Variants in USP6NL observed in about 807,000 individuals in gnomAD.
The protein encoded by USP6NL is USP6 N-terminal-like protein.
Under a neutral mutation model 61.9 loss-of-function variants are expected in USP6NL, and 26 were observed. That is an observed-to-expected ratio of 0.42 (90% CI 0.31 to 0.58). The LOEUF (loss-of-function observed/expected upper bound fraction) is 0.58. USP6NL is among the 20% of genes least tolerant of loss of function. The pLI is 0.16. For synonymous variants in USP6NL, 432 were observed against 390.1 expected, an observed-to-expected ratio of 1.11 and a Z score of -1.27; for missense variants, 1,114 against 1,034.3, an observed-to-expected ratio of 1.08 and a Z score of -1.06.
chr10:11,466,941 C>T (rs1246243070), intron 14 of USP6NL, among the ~76,000 whole-genome samples: 2 of 152,150 alleles, frequency 1.3e-5, no homozygotes, highest in African/African-American at 2.4e-5. Context: ...CACTGTTGAC[C>T]GAAAGTTCAT....
intron 2 of USP6NL, among the ~76,000 whole-genome samples, chr10:11,578,211 C>T (rs1837621451): frequency 6.6e-6 from 1 of 152,118 alleles, no homozygotes; most frequent in Non-Finnish European, 1.5e-5. Flanking sequence ...TCAAGCAATC[C>T]GCCCGCCTCA....
chr10:11,555,061 G>C (rs2133503387), intron 2 of USP6NL, among the ~76,000 whole-genome samples: 2 of 146,130 alleles, frequency 1.4e-5, no homozygotes, highest in African/African-American at 5.0e-5. Context: ...AAAGTGCTGG[G>C]ATTACAGGCA....
At position 11,541,663 on chromosome 10, in the gene USP6NL, C is replaced by A. The variant is rs114353342; in HGVS notation, c.5-14096G>T. Among the ~76,000 whole-genome samples, 846 of 152,244 alleles carry A rather than the reference C, an allele frequency of 5.6e-3. 10 individuals are homozygous for A. Among genetic ancestry groups the A allele is most frequent in the African/African-American group, 0.017 (697 of 41,534 alleles). ...AATAGAAAGCCGTAAGTGTTTTTCA[C>A]TGTGAGACAGAGCAACCTCCCTAGA... On this transcript the variant is annotated intron_variant, in intron 2 of 14. Transcript: ENST00000609104.
At chr10:11,556,325 T>C (rs907994358) in intron 2 of USP6NL, among the ~76,000 whole-genome samples, 10 of 152,072 alleles carry the variant, frequency 6.6e-5, no homozygotes, top group Admixed American at 4.6e-4. Flanking sequence ...GAATACATAA[T>C]AAAAACTATT....
At chr10:11,502,734 A>G (rs1196747241) in intron 6 of USP6NL, among the ~76,000 whole-genome samples, 1 of 152,242 alleles carries the variant, frequency 6.6e-6, no homozygotes, top group Non-Finnish European at 1.5e-5. Context: ...TGAGTGACAA[A>G]GATGAACAAC....
At chr10:11,469,698 T>C (rs1429773332) in intron 14 of USP6NL, among the ~76,000 whole-genome samples, 1 of 152,118 alleles carries the variant, frequency 6.6e-6, no homozygotes, top group Non-Finnish European at 1.5e-5. Context: ...TTAAAGACAA[T>C]AAACCAAGTG....
chr10:11,485,832 C>A lies in USP6NL; in HGVS notation c.744G>T (p.Lys248Asn), dbSNP rs1389407788. Residue 248 changes from lysine to asparagine, a missense_variant, in exon 11 of 15, where the codon AAG (lysine) becomes AAT (asparagine). Physicochemically the swap from Lys to Asn is moderately conservative, Grantham distance 94 (BLOSUM62 0). Transcript: ENST00000609104. The surrounding 1 kb of genome is among the most constrained non-coding windows in gnomAD (Gnocchi z 4.8). Reference protein sequence around the residue: ...HEKILNKFLSKLKQHLDSQEI... With the variant: ...HEKILNKFLSNLKQHLDSQEI... ...ATCTACCTACCAAGTGTTGCTTAAG[C>A]TTGGACAGAAATTTGTTCAGTATTT... is the stretch of plus-strand genomic sequence containing the variant. 2 of 1,553,942 alleles carry A rather than the reference C, an allele frequency of 1.3e-6. No individual in the cohort carries two copies. Among genetic ancestry groups the A allele is most frequent in the East Asian group, 2.4e-5 (1 of 41,998 alleles).
At chr10:11,577,121 G>A (rs1016373491) in intron 2 of USP6NL, among the ~76,000 whole-genome samples, 2 of 148,472 alleles carry the variant, frequency 1.3e-5, no homozygotes, top group Admixed American at 6.8e-5. Flanking sequence ...ACAGTGGTGC[G>A]ATCTCAGCTC....
At chr10:11,534,198 A>G (rs185380236) in intron 2 of USP6NL, among the ~76,000 whole-genome samples, 112 of 152,308 alleles carry the variant, frequency 7.4e-4, no homozygotes, top group Non-Finnish European at 1.2e-3. Context: ...GTGATTTTCC[A>G]TCACTGACCT....
At position 11,490,083 on chromosome 10, in the gene USP6NL, G is replaced by A. The variant is rs368881842; in HGVS notation, c.543+749C>T. Among the ~76,000 whole-genome samples, 17 of 152,230 alleles carry A rather than the reference G, an allele frequency of 1.1e-4. No homozygotes were observed. Among genetic ancestry groups the A allele is most frequent in the African/African-American group, 3.9e-4 (16 of 41,524 alleles). On this transcript the variant is annotated intron_variant, in intron 9 of 14. Coordinates refer to ENST00000609104, the MANE Select transcript of USP6NL (RefSeq NM_014688.5). This position sits in a 1 kb window ranked among gnomAD's most constrained non-coding sequence, Gnocchi z 4.5. The stretch of plus-strand genomic sequence containing the variant: ...CTTCCCACCTTCCAGCTCCAATTCC[G>A]GTGAGGCCCAACTAGTGCTTCCTTC...
chr10:11,548,506 T>C lies in USP6NL; in HGVS notation c.5-20939A>G, dbSNP rs746857875. ...TCCATTTTGGTCCATGACTATCCTA[T>C]AAAGATCTTTGTAAATCTTAATTTC... On this transcript the variant is annotated intron_variant, in intron 2 of 14. Coordinates refer to ENST00000609104, the MANE Select transcript of USP6NL (RefSeq NM_014688.5). This position sits in a 1 kb window ranked among gnomAD's most constrained non-coding sequence, Gnocchi z 4.3. Among the ~76,000 whole-genome samples, 5 of 152,248 alleles carry C rather than the reference T, an allele frequency of 3.3e-5. No individual in the cohort carries two copies. The highest frequency in any genetic ancestry group is 1.9e-4 in the East Asian group (1 of 5,204).
At position 11,562,189 on chromosome 10, in the gene USP6NL, T is replaced by G. The variant is rs1299698876; in HGVS notation, c.5-34622A>C. 6.6e-6 allele frequency among the ~76,000 whole-genome samples: 1 copy of G among 150,504 alleles called. No individual in the cohort carries two copies. The highest frequency in any genetic ancestry group is 2.1e-4 in the South Asian group (1 of 4,794). ...CAGCTACTTGGGAGGCTGAAGCCGG[T>G]AGGCGGAGGTTGCAGTGAGCCGAGA... is the stretch of plus-strand genomic sequence containing the variant. On this transcript the variant is annotated intron_variant, in intron 2 of 14. Transcript: ENST00000609104. The surrounding 1 kb of genome is among the most constrained non-coding windows in gnomAD (Gnocchi z 4.8).
At chr10:11,486,306 C>T (rs971250650) in intron 10 of USP6NL, among the ~76,000 whole-genome samples, 16 of 151,866 alleles carry the variant, frequency 1.1e-4, no homozygotes, top group African/African-American at 3.6e-4. Flanking sequence ...TGTTAAATAA[C>T]AATTTATTAC....
In USP6NL at chr10:11,470,759, G is replaced by A. The variant is rs765408722; in HGVS notation, c.1079-6910C>T. The stretch of plus-strand genomic sequence containing the variant: ...ATGTCAAAACAGAAAACTATATATA[G>A]GCAATAAGCATTCCTATTTATTATC... On this transcript the variant is annotated intron_variant, in intron 14 of 14. Coordinates refer to ENST00000609104, the MANE Select transcript of USP6NL (RefSeq NM_014688.5). This position sits in a 1 kb window ranked among gnomAD's most constrained non-coding sequence, Gnocchi z 5.4. Among the ~76,000 whole-genome samples, 1 of 152,126 alleles carries A rather than the reference G, an allele frequency of 6.6e-6. No individual in the cohort carries two copies. The highest frequency in any genetic ancestry group is 1.9e-4 in the East Asian group (1 of 5,190).
chr10:11,558,239 A>G (rs1482872043), intron 2 of USP6NL, among the ~76,000 whole-genome samples: 4 of 152,196 alleles, frequency 2.6e-5, no homozygotes, highest in East Asian at 1.9e-4. Context: ...TGCCACTCCT[A>G]TAAGTATGTA....
At chr10:11,486,730 C>T (rs1566127170) in intron 10 of USP6NL, among the ~76,000 whole-genome samples, 1 of 152,200 alleles carries the variant, frequency 6.6e-6, no homozygotes, top group Non-Finnish European at 1.5e-5. Flanking sequence ...TTACATCCTT[C>T]TTAGATATTC....
At chr10:11,493,618 C>T (rs1833792784) in intron 7 of USP6NL, among the ~76,000 whole-genome samples, 1 of 152,228 alleles carries the variant, frequency 6.6e-6, no homozygotes, top group African/African-American at 2.4e-5. Context: ...TGAAGCTAAT[C>T]ATTGCCTTGT....
At chr10:11,557,892 T>A (rs1317316197) in intron 2 of USP6NL, among the ~76,000 whole-genome samples, 1 of 151,844 alleles carries the variant, frequency 6.6e-6, no homozygotes, top group South Asian at 2.1e-4. Flanking sequence ...AGTTTCTCCA[T>A]AAGGAAGCAA....
chr10:11,546,234 C>A (rs749511922), intron 2 of USP6NL, among the ~76,000 whole-genome samples: 1 of 152,080 alleles, frequency 6.6e-6, no homozygotes, highest in African/African-American at 2.4e-5. Flanking sequence ...CAGGACCATA[C>A]CAGCAGTGAG....
Sources: allele counts gnomAD v4.1 joint callset (sites outside exome capture counted in the v4.1 genomes callset), GRCh38; gene constraint gnomAD v4.1.1; non-coding constraint Gnocchi (gnomAD v3.1); transcripts MANE v1.5; gene names NCBI Gene and HGNC (gene_info 2026-07-23, HGNC 2026-07-21).